The following USP30 variants were observed in gnomAD, a reference collection of about 807,000 sequenced individuals.
USP30 encodes the protein ubiquitin carboxyl-terminal hydrolase 30.
Under a neutral mutation model 68.2 loss-of-function variants are expected in USP30, and 41 were observed. That is an observed-to-expected ratio of 0.60 (90% CI 0.47 to 0.78). The LOEUF (loss-of-function observed/expected upper bound fraction) is 0.78, where lower values mean the gene tolerates loss of function less well. Ranked by LOEUF, USP30 falls within the 30% of genes least tolerant of loss-of-function variation. The pLI is 0.00. For synonymous variants in USP30, 229 were observed against 253.7 expected (o/e 0.90, Z 0.93); for missense variants, 522 against 649.4 (o/e 0.80, Z 2.13).
chr12:109,049,881 C>A (rs552803896), upstream of USP30, among the ~76,000 whole-genome samples: 1 of 152,126 alleles, frequency 6.6e-6, no homozygotes, highest in Non-Finnish European at 1.5e-5. Flanking sequence ...TACAGAGACA[C>A]GAAGTGAGCA....
At chr12:109,028,669 G>T (rs983679017) in intron 3 of USP30, among the ~76,000 whole-genome samples, 1 of 152,078 alleles carries the variant, frequency 6.6e-6, no homozygotes, top group East Asian at 1.9e-4. Context: ...GTAGAGAGGG[G>T]TTTCACCATG....
intron 3 of USP30, among the ~76,000 whole-genome samples, chr12:109,038,993 T>C (rs2040542728): frequency 6.6e-6 from 1 of 152,258 alleles, no homozygotes; most frequent in African/African-American, 2.4e-5. Flanking sequence ...GTTCTTTACA[T>C]ATTCCGGATA....
intron 7 of USP30, among the ~76,000 whole-genome samples, chr12:109,078,477 G>C (rs2041681028): frequency 6.7e-6 from 1 of 149,906 alleles, no homozygotes; most frequent in Non-Finnish European, 1.5e-5. Flanking sequence ...TAGTATGCAA[G>C]AGTTGCCTTC....
intron 7 of USP30, among the ~76,000 whole-genome samples, chr12:109,078,150 G>A (rs1003787682): frequency 6.6e-6 from 1 of 152,058 alleles, no homozygotes; most frequent in Non-Finnish European, 1.5e-5. Flanking sequence ...CACCAGCCAG[G>A]TGCTGTGGCT....
intron 9 of USP30, chr12:109,082,448 C>T (rs771386393): frequency 3.1e-5 from 18 of 580,946 alleles, no homozygotes; most frequent in Non-Finnish European, 5.2e-5. Flanking sequence ...CATCAGTGTT[C>T]GCTCTTCACA....
chr12:109,042,003 C>T (rs1342921013), intron 3 of USP30, among the ~76,000 whole-genome samples: 2 of 151,692 alleles, frequency 1.3e-5, no homozygotes, highest in African/African-American at 4.8e-5. Flanking sequence ...TAATATGAAA[C>T]AGCATTCAGG....
chr12:109,039,800 G>A (rs1359494498), intron 3 of USP30, among the ~76,000 whole-genome samples: 3 of 152,126 alleles, frequency 2.0e-5, no homozygotes, highest in South Asian at 2.1e-4. Context: ...TGGTAGAGAT[G>A]TGGTTTCACC....
intron 2 of USP30, 90 bp downstream of exon 2, chr12:109,056,881 C>A: frequency 2.5e-6 from 2 of 814,462 alleles, no homozygotes; most frequent in Non-Finnish European, 3.7e-6. Context: ...GGAGGTTGGT[C>A]ATATTTGTTC....
chr12:109,037,745 A>C (rs1028442174), intron 3 of USP30, among the ~76,000 whole-genome samples: 3 of 152,132 alleles, frequency 2.0e-5, no homozygotes, highest in African/African-American at 7.2e-5. Flanking sequence ...GAACCAGTAA[A>C]TCTTCCAGTC....
Position 109,070,895 on chromosome 12 carries a change from C to T in USP30, c.481-717C>T, listed in dbSNP as rs529415265. Among the ~76,000 whole-genome samples the T allele has an allele frequency of 9.2e-5, 14 of 152,178 alleles. No individual in the cohort carries two copies. The highest frequency in any genetic ancestry group is 5.2e-4 in the Admixed American group (8 of 15,282). ...GGGTAGAAGCAACCCAAGTGTTCAT[C>T]GGCTGATAAATAGGTAAACAAAACT... On this transcript the variant is annotated intron_variant, in intron 4 of 12. Transcript: ENST00000257548. The surrounding 1 kb of genome is among the most constrained non-coding windows in gnomAD (Gnocchi z 4.0).
intron 3 of USP30, among the ~76,000 whole-genome samples, chr12:109,045,057 A>T (rs1385232620): frequency 7.0e-6 from 1 of 142,872 alleles, no homozygotes; most frequent in Admixed American, 7.4e-5. Context: ...TGCTCACTGC[A>T]ACCTCCGCCT....
chr12:109,059,661 A>T (rs1433265975), intron 3 of USP30, among the ~76,000 whole-genome samples: 2 of 151,990 alleles, frequency 1.3e-5, no homozygotes, highest in African/African-American at 4.8e-5. Flanking sequence ...TTACAGCTGC[A>T]TGCCACCACG....
At chr12:109,062,726 A>T (rs147085487) in intron 3 of USP30, among the ~76,000 whole-genome samples, 1 of 152,164 alleles carries the variant, frequency 6.6e-6, no homozygotes, top group East Asian at 1.9e-4. Flanking sequence ...CAAAATATCC[A>T]TAACATAAAA....
At chr12:109,044,269 G>A (rs1041184676) in intron 3 of USP30, among the ~76,000 whole-genome samples, 1 of 152,198 alleles carries the variant, frequency 6.6e-6, no homozygotes, top group Non-Finnish European at 1.5e-5. Context: ...TTTGCAGATG[G>A]AGAGTTCTGG....
intron 3 of USP30, among the ~76,000 whole-genome samples, chr12:109,046,532 C>T (rs911270984): frequency 1.3e-5 from 2 of 152,010 alleles, no homozygotes; most frequent in African/African-American, 4.8e-5. Flanking sequence ...TAATCTCATC[C>T]AAAAACCATC....
intron 3 of USP30, among the ~76,000 whole-genome samples, chr12:109,029,116 A>G (rs2040464222): frequency 6.6e-6 from 1 of 152,176 alleles, no homozygotes; most frequent in African/African-American, 2.4e-5. Flanking sequence ...TTGCCACAGT[A>G]CATCTTTTTA....
intron 7 of USP30, among the ~76,000 whole-genome samples, chr12:109,076,968 G>C (rs189591164): frequency 1.3e-5 from 2 of 152,152 alleles, no homozygotes; most frequent in East Asian, 3.9e-4. Context: ...TCCTGACCTC[G>C]TGATCCGCCT....
At chr12:109,073,652 G>A in intron 7 of USP30, 120 bp downstream of exon 7, 1 of 829,646 alleles carries the variant, frequency 1.2e-6, no homozygotes. Flanking sequence ...CCTGGCCTCT[G>A]CACACTAGTG....
chr12:109,034,603 G>A (rs1327763089), intron 3 of USP30, among the ~76,000 whole-genome samples: 2 of 152,162 alleles, frequency 1.3e-5, no homozygotes, highest in African/African-American at 4.8e-5. Flanking sequence ...TTCTGCTGCT[G>A]TTGGGTGATG....
Sources: gnomAD v4.1 joint callset for allele counts (sites outside exome capture counted in the v4.1 genomes callset) on GRCh38, gnomAD v4.1.1 for gene constraint, Gnocchi (gnomAD v3.1) non-coding constraint, MANE v1.5 for transcripts, NCBI Gene and HGNC (gene_info 2026-07-23, HGNC 2026-07-21) for gene names.